The following SLC35F4 variants were observed in gnomAD, a reference collection of about 807,000 sequenced individuals.
SLC35F4 encodes solute carrier family 35 member F4, also known as chromosome 14 open reading frame 36.
A neutral mutation model predicts 44.2 loss-of-function variants in SLC35F4; 24 were observed. The observed-to-expected ratio is 0.54, with a 90% CI of 0.39 to 0.76. SLC35F4 has a LOEUF of 0.76. SLC35F4 is among the 30% of genes least tolerant of loss of function. The pLI is 0.00. For synonymous variants in SLC35F4, 238 were observed against 223.6 expected, an observed-to-expected ratio of 1.06 and a Z score of -0.57; for missense variants, 562 against 586.1, an observed-to-expected ratio of 0.96 and a Z score of 0.42.
At chr14:57,566,398 C>G in intron 7 of SLC35F4, 77 bp downstream of exon 7, 1 of 1,355,710 alleles carries the variant, frequency 7.4e-7, no homozygotes, top group Non-Finnish European at 1.0e-6. Context: ...CTAGAAGGAA[C>G]AACTCAGGAC....
intron 1 of SLC35F4, among the ~76,000 whole-genome samples, chr14:57,880,317 T>C (rs551092973): frequency 2.2e-4 from 33 of 152,280 alleles, no homozygotes; most frequent in South Asian, 1.9e-3. Context: ...GGATATGATA[T>C]ATGGGTGGAA....
At chr14:57,862,458 T>C (rs1046129046) in intron 1 of SLC35F4, among the ~76,000 whole-genome samples, 1 of 152,214 alleles carries the variant, frequency 6.6e-6, no homozygotes, top group Non-Finnish European at 1.5e-5. Flanking sequence ...AGCCAAAGGA[T>C]TGACAATGAC....
At chr14:57,586,155 G>A (rs2069703481) in intron 3 of SLC35F4, among the ~76,000 whole-genome samples, 1 of 152,088 alleles carries the variant, frequency 6.6e-6, no homozygotes, top group African/African-American at 2.4e-5. Flanking sequence ...ACAGAACAGA[G>A]GCCTCAGAAA....
Position 57,707,576 on chromosome 14 carries a change from C to T in SLC35F4, c.104-113452G>A, listed in dbSNP as rs147959649. ...GAAACCTCTTTCCTTTAGAAATTAC[C>T]CAGTCTTGGGTATTTCTTCATAGCA... is the stretch of plus-strand genomic sequence containing the variant. On this transcript the variant is annotated intron_variant, in intron 1 of 7. Transcript: ENST00000556826. Among the ~76,000 whole-genome samples the T allele has an allele frequency of 6.8e-4, 104 of 152,188 alleles. 1 individual carries two copies. Among genetic ancestry groups the T allele is most frequent in the Non-Finnish European group, 1.1e-3 (76 of 68,004 alleles).
chr14:57,974,157 C>G (rs923479835), downstream of SLC35F4, among the ~76,000 whole-genome samples: 1 of 152,158 alleles, frequency 6.6e-6, no homozygotes, highest in Non-Finnish European at 1.5e-5. Context: ...TTTAGGGACC[C>G]AAACAGCTTC....
At chr14:57,724,874 T>G (rs2076165267) in intron 1 of SLC35F4, among the ~76,000 whole-genome samples, 1 of 152,212 alleles carries the variant, frequency 6.6e-6, no homozygotes, top group South Asian at 2.1e-4. Flanking sequence ...TGCACCTGGT[T>G]GTGCACTTTT....
intron 1 of SLC35F4, among the ~76,000 whole-genome samples, chr14:57,843,800 TCC>T: frequency 6.6e-6 from 1 of 152,236 alleles, no homozygotes; most frequent in Middle Eastern, 3.4e-3. Context: ...ATACTCAAAA[TCC>T]CCAAACAATT....
At chr14:57,576,946 C>T (rs1029819762) in intron 4 of SLC35F4, among the ~76,000 whole-genome samples, 4 of 152,168 alleles carry the variant, frequency 2.6e-5, no homozygotes, top group African/African-American at 9.7e-5. Flanking sequence ...GCCAGCACAA[C>T]CCAGCTGTCT....
chr14:57,668,355 T>A (rs1246096565), intron 1 of SLC35F4, among the ~76,000 whole-genome samples: 1 of 151,830 alleles, frequency 6.6e-6, no homozygotes, highest in African/African-American at 2.4e-5. Context: ...TTTGTCAATT[T>A]TGTCTTTTGT....
At chr14:57,660,553 C>T (rs763109624) in intron 1 of SLC35F4, among the ~76,000 whole-genome samples, 5 of 148,852 alleles carry the variant, frequency 3.4e-5, no homozygotes, top group African/African-American at 4.9e-5. Flanking sequence ...GGCATGAACA[C>T]CAGGACACAG....
At chr14:57,618,730 C>A (rs1192507159) in intron 1 of SLC35F4, among the ~76,000 whole-genome samples, 1 of 152,216 alleles carries the variant, frequency 6.6e-6, no homozygotes, top group Non-Finnish European at 1.5e-5. Context: ...AGCCAGGGAG[C>A]AAAGTGGTCT....
At chr14:57,896,305 A>T (rs2141042318) in intron 1 of SLC35F4, among the ~76,000 whole-genome samples, 1 of 152,360 alleles carries the variant, frequency 6.6e-6, no homozygotes, top group African/African-American at 2.4e-5. Context: ...TCTATGCAAC[A>T]ACATGGGTGA....
chr14:57,663,805 C>A (rs762227350), intron 1 of SLC35F4, among the ~76,000 whole-genome samples: 1 of 152,070 alleles, frequency 6.6e-6, no homozygotes, highest in South Asian at 2.1e-4. Flanking sequence ...TTAGTCCATG[C>A]CAAGAAAATA....
intron 1 of SLC35F4, among the ~76,000 whole-genome samples, chr14:57,748,264 G>T (rs541252687): frequency 6.6e-6 from 1 of 152,210 alleles, no homozygotes; most frequent in South Asian, 2.1e-4. Flanking sequence ...TTCTGGGACT[G>T]CTTCCATGGT....
intron 1 of SLC35F4, among the ~76,000 whole-genome samples, chr14:57,774,121 G>A (rs943590690): frequency 6.6e-6 from 1 of 152,104 alleles, no homozygotes; most frequent in Non-Finnish European, 1.5e-5. Flanking sequence ...AGGGGACATA[G>A]GGATGACTGG....
intron 1 of SLC35F4, among the ~76,000 whole-genome samples, chr14:57,918,366 G>T (rs982013428): frequency 3.3e-5 from 5 of 152,146 alleles, no homozygotes; most frequent in Non-Finnish European, 7.3e-5. Context: ...TCCTACTCTG[G>T]TAAGTTGTGA....
At chr14:57,639,372 C>T (rs2073136781) in intron 1 of SLC35F4, among the ~76,000 whole-genome samples, 1 of 151,936 alleles carries the variant, frequency 6.6e-6, no homozygotes, top group African/African-American at 2.4e-5. Flanking sequence ...ATTAAAAACA[C>T]AGAAGATTCA....
intron 1 of SLC35F4, among the ~76,000 whole-genome samples, chr14:57,604,838 C>T (rs912856294): frequency 2.6e-5 from 4 of 151,978 alleles, no homozygotes; most frequent in Admixed American, 1.3e-4. Context: ...ACAAAATTGA[C>T]AAAAATAAGC....
intron 1 of SLC35F4, among the ~76,000 whole-genome samples, chr14:57,944,154 C>T (rs1013122442): frequency 2.6e-5 from 4 of 152,148 alleles, no homozygotes; most frequent in South Asian, 2.1e-4. Context: ...CTGATTTTTC[C>T]GAAGTCATTC....
Sources: allele counts gnomAD v4.1 joint callset (sites outside exome capture counted in the v4.1 genomes callset), GRCh38; gene constraint gnomAD v4.1.1; transcripts MANE v1.5; gene names NCBI Gene and HGNC (gene_info 2026-07-23, HGNC 2026-07-21).